Variants in TCHP observed in about 807,000 individuals in gnomAD.
The protein encoded by TCHP is trichoplein keratin filament-binding protein.
TCHP carries 81 observed loss-of-function variants against 88.7 expected under a neutral mutation model. That is an observed-to-expected ratio of 0.91 (90% CI 0.76 to 1.10). The LOEUF is 1.10. Ranked by LOEUF, TCHP falls within the 50% of genes least tolerant of loss-of-function variation. The probability of loss-of-function intolerance (pLI) is 0.00; values close to 1 mark genes in which losing one functional copy is unlikely to be tolerated. For missense variants in TCHP, 641 were observed against 632.1 expected, an observed-to-expected ratio of 1.01 and a Z score of -0.15; for synonymous variants, 232 against 232.5, an observed-to-expected ratio of 1.00 and a Z score of 0.02.
chr12:109,914,779 C>A lies in TCHP; in HGVS notation c.1320+152C>A, dbSNP rs1870707248. The A allele has an allele frequency of 2.0e-5, 12 of 614,294 alleles. No homozygotes were observed. In the South Asian group the frequency reaches 2.2e-4, roughly 11 times the overall value. The allele number at this position is 614,294 out of a possible 1,614,324, so 38.1% of individuals were successfully genotyped here. ...TTTCCATCCCAGCTGCAGTCCTCAT[C>A]CTCTTGACTGTGGCTTCTTTCCCTC... On this transcript the variant is annotated intron_variant, in intron 11 of 12. Transcript: ENST00000405876.
Position 109,913,485 on chromosome 12 carries a change from T to C in TCHP, c.1134+413T>C, listed in dbSNP as rs76118604. Among the ~76,000 whole-genome samples the C allele has an allele frequency of 7.9e-3, 1,210 of 152,312 alleles. 24 individuals carry two copies. Among genetic ancestry groups the C allele is most frequent in the African/African-American group, 0.028 (1,164 of 41,562 alleles). ...CCCGCTGCCTTTCCATTCCCTCTTA[T>C]GGGTGTGCTGTGTTGTTCTAATTGG... On this transcript the variant is annotated intron_variant, in intron 10 of 12. Coordinates refer to ENST00000405876, the MANE Select transcript of TCHP (RefSeq NM_001143852.2).
At chr12:109,906,387 A>G (rs1429367424) in intron 4 of TCHP, among the ~76,000 whole-genome samples, 185 bp from the exon 5 acceptor site, 1 of 152,142 alleles carries the variant, frequency 6.6e-6, no homozygotes, top group African/African-American at 2.4e-5. Flanking sequence ...TCTGATTGAC[A>G]TGCATTCACA....
chr12:109,915,558 G>A lies in TCHP; in HGVS notation c.1464+12G>A, dbSNP rs1289503222. 3.1e-6 allele frequency: 5 copies of A among 1,606,720 alleles called. No homozygotes were observed. The African/African-American group carries it at 6.7e-5, about 21-fold the overall frequency. ...GCTACCGGCCTAAGGTAGGAAGTCT[G>A]CCAGGATATAGGCCAACACCGGCAA... On this transcript the variant is annotated intron_variant, in intron 12 of 12. Coordinates refer to ENST00000405876, the MANE Select transcript of TCHP (RefSeq NM_001143852.2).
chr12:109,913,433 G>A (rs1329916531), intron 10 of TCHP, among the ~76,000 whole-genome samples: 1 of 152,154 alleles, frequency 6.6e-6, no homozygotes, highest in Admixed American at 6.5e-5. Flanking sequence ...GCATGTCAGG[G>A]GCTGTATCAC....
At position 109,907,580 on chromosome 12, in the gene TCHP, G is replaced by A; in HGVS notation, c.580G>A (p.Ala194Thr). ...NKRYENEYER[A>T]RREALERMKA... ...ACGGTATGAAAATGAATATGAAAGGGCCCGAAGGGAGGCGCTAGAAAGGAT... is the reference window on the plus strand; with the variant it reads ...ACGGTATGAAAATGAATATGAAAGGACCCGAAGGGAGGCGCTAGAAAGGAT... The change falls in exon 6 of 13, where the codon GCC becomes ACC. Residue 194 changes from alanine (A) to threonine (T), a missense_variant. By Grantham distance (58) the Ala-to-Thr change is moderately conservative (BLOSUM62 0). Transcript: ENST00000405876. 2 of 1,614,240 alleles carry A rather than the reference G, an allele frequency of 1.2e-6. No homozygotes were observed. The highest frequency in any genetic ancestry group is 1.7e-6 in the Non-Finnish European group (2 of 1,180,046).
In TCHP at chr12:109,916,737, G is replaced by C; in HGVS notation, c.*114G>C. On this transcript the variant is annotated 3_prime_UTR_variant, in exon 13 of 13. Coordinates refer to ENST00000405876, the MANE Select transcript of TCHP (RefSeq NM_001143852.2). ...TAAGTGCCCGGGGCACTGTCAGATG[G>C]CTCAGCAGTGCCTGCTCAGGTTCAT... 1.1e-6 allele frequency: 1 copy of C among 921,762 alleles called. No individual in the cohort carries two copies. The highest frequency in any genetic ancestry group is 1.7e-6 in the Non-Finnish European group (1 of 595,302). 57.1% of individuals were successfully genotyped at this position (921,762 alleles called of 1,614,324 possible). A position where few individuals can be genotyped will look rare whatever the true frequency, so the allele number is the denominator to read the frequency against.
chr12:109,899,644 T>C (rs996335422), upstream of TCHP, among the ~76,000 whole-genome samples: 2 of 151,854 alleles, frequency 1.3e-5, no homozygotes, highest in African/African-American at 4.8e-5. Flanking sequence ...CTCAAAAAAA[T>C]AAAAAAGTTA....
At chr12:109,906,487 G>T in intron 4 of TCHP, 85 bp from the exon 5 acceptor site, 2 of 1,326,188 alleles carry the variant, frequency 1.5e-6, no homozygotes, top group Non-Finnish European at 2.1e-6. Context: ...GTTCCCGCAG[G>T]TGGCACAGAG....
chr12:109,895,428 A>C (rs1166319721), upstream of TCHP, among the ~76,000 whole-genome samples: 4 of 151,806 alleles, frequency 2.6e-5, no homozygotes, highest in Non-Finnish European at 5.9e-5. Flanking sequence ...CTATATTGCC[A>C]GGCTGGTCTT....
Position 109,903,937 on chromosome 12 carries a change from C to T in TCHP, c.189C>T (p.Ser63=). The change falls in exon 3 of 13, where the codon AGC becomes AGT. Residue 63 remains serine, a splice_region_variant and synonymous_variant. Coordinates refer to ENST00000405876, the MANE Select transcript of TCHP (RefSeq NM_001143852.2). This position sits in a 1 kb window ranked among gnomAD's most constrained non-coding sequence, Gnocchi z 4.6. The part of the protein sequence containing the change: ...EWSSKTSYQR[S]MHAYQREKMK... ...TTCAGGCAGGCCCCCTCTCACCCAG[C>T]ATGCATGCCTATCAGCGGGAGAAGA... 5 of 1,603,326 alleles carry T rather than the reference C, an allele frequency of 3.1e-6. No individual in the cohort carries two copies. Among genetic ancestry groups the T allele is most frequent in the Non-Finnish European group, 3.4e-6 (4 of 1,175,700 alleles).
At chr12:109,884,793 C>T in the TCHP span, among the ~76,000 whole-genome samples, 15 of 152,160 alleles carry the variant, frequency 9.9e-5, no homozygotes, top group African/African-American at 3.6e-4. Context: ...GCATAAGTTG[C>T]TGAAACAATG....
the TCHP span, among the ~76,000 whole-genome samples, chr12:109,882,023 A>C: frequency 1.8e-4 from 27 of 152,160 alleles, no homozygotes; most frequent in African/African-American, 6.5e-4. Context: ...CTGGTTGGGA[A>C]CACAACACAA....
intron 6 of TCHP, among the ~76,000 whole-genome samples, 174 bp downstream of exon 6, chr12:109,907,873 ATCC>A (rs1258949786): frequency 2.6e-5 from 4 of 152,208 alleles, no homozygotes; most frequent in African/African-American, 9.6e-5. Context: ...GTGCTTTCCC[ATCC>A]TCCTCGTTTG....
At chr12:109,913,294 T>C (rs1373874451) in intron 10 of TCHP, among the ~76,000 whole-genome samples, 2 of 152,266 alleles carry the variant, frequency 1.3e-5, no homozygotes, top group African/African-American at 2.4e-5. Flanking sequence ...CCATCCTGTA[T>C]GCAGCCGTAG....
chr12:109,914,735 TGA>T lies in TCHP; in HGVS notation c.1320+112_1320+113del, dbSNP rs1293778135. 4.5e-6 allele frequency: 4 copies of T among 895,740 alleles called. No individual in the cohort carries two copies. In the East Asian group the frequency reaches 1.1e-4, roughly 24 times the overall value. 55.5% of individuals were successfully genotyped at this position (895,740 alleles called of 1,614,324 possible). On this transcript the variant is annotated intron_variant, in intron 11 of 12. Transcript: ENST00000405876. ...CTGCCTGGCAGGGCTTGCGCACGTT[TGA>T]GAGCACGGTGCTCCCGTTTCCATCC... is the stretch of plus-strand genomic sequence containing the variant.
At chr12:109,880,775 C>T in the TCHP span, 1 of 152,532 alleles carries the variant, frequency 6.6e-6, no homozygotes, top group African/African-American at 2.4e-5. This position sits in a 1 kb window ranked among gnomAD's most constrained non-coding sequence, Gnocchi z 5.1. Flanking sequence ...GTTTGGCCCC[C>T]CAATCCGGGC....
At chr12:109,909,907 A>G (rs1362107034) in intron 8 of TCHP, among the ~76,000 whole-genome samples, 6 of 152,148 alleles carry the variant, frequency 3.9e-5, no homozygotes, top group African/African-American at 1.4e-4. Flanking sequence ...GGAGGTTGCA[A>G]TAAGCTGAGA....
chr12:109,913,926 G>A (rs899934781), intron 10 of TCHP, among the ~76,000 whole-genome samples: 7 of 152,186 alleles, frequency 4.6e-5, no homozygotes, highest in Non-Finnish European at 1.0e-4. Flanking sequence ...ACTGTTGAGA[G>A]TGTCAGGTGG....
the TCHP span, among the ~76,000 whole-genome samples, chr12:109,881,166 T>C: frequency 6.6e-6 from 1 of 152,202 alleles, no homozygotes; most frequent in Non-Finnish European, 1.5e-5. Flanking sequence ...TAAGGCTGAC[T>C]TCCTAGACCT....
Sources: gnomAD v4.1 joint callset for allele counts (sites outside exome capture counted in the v4.1 genomes callset) on GRCh38, gnomAD v4.1.1 for gene constraint, Gnocchi (gnomAD v3.1) non-coding constraint, MANE v1.5 for transcripts, NCBI Gene and HGNC (gene_info 2026-07-23, HGNC 2026-07-21) for gene names.